The following PSME4 variants were observed in gnomAD, a reference collection of about 807,000 sequenced individuals.
The protein encoded by PSME4 is proteasome activator complex subunit 4.
Under a neutral mutation model 253.9 loss-of-function variants are expected in PSME4, and 89 were observed. That is an observed-to-expected ratio of 0.35 (90% CI 0.30 to 0.42). The LOEUF is 0.42. PSME4 is among the 10% of genes least tolerant of loss of function. The pLI is 1.00. For missense variants in PSME4, 2,014 were observed against 2,195.2 expected (o/e 0.92, Z 1.65); for synonymous variants, 851 against 759.2 (o/e 1.12, Z -1.99).
Position 53,940,005 on chromosome 2 carries a change from G to A in PSME4, c.501-5C>T, listed in dbSNP as rs367842746. ...TTGAGAATATTTTCTACAGAACTGG[G>A]GGGGGAAAGCCATTTGATAATTAGA... On this transcript the variant is annotated splice_region_variant and splice_polypyrimidine_tract_variant and intron_variant, in intron 3 of 46. Transcript: ENST00000404125. 3.8e-6 allele frequency: 6 copies of A among 1,571,332 alleles called. No individual in the cohort carries two copies. Among genetic ancestry groups the A allele is most frequent in the East Asian group, 4.5e-5 (2 of 44,138 alleles).
At chr2:53,922,723 G>T (rs1397613027) in intron 16 of PSME4, 139 bp from the exon 17 acceptor site, 3 of 1,128,090 alleles carry the variant, frequency 2.7e-6, no homozygotes, top group African/African-American at 3.2e-5. Flanking sequence ...TCTTCATGAA[G>T]CTGAGCTTGT....
chr2:53,893,249 T>C (rs1172226515), intron 35 of PSME4, among the ~76,000 whole-genome samples: 1 of 152,170 alleles, frequency 6.6e-6, no homozygotes, highest in African/African-American at 2.4e-5. Context: ...TTTTTTTTCC[T>C]TCTAATGCCA....
chr2:53,933,016 A>AG (rs1370155848), intron 8 of PSME4: 2 of 406,858 alleles, frequency 4.9e-6, no homozygotes, highest in Non-Finnish European at 9.0e-6. Flanking sequence ...CTGTCAACTT[A>AG]GGATAACAAA....
chr2:53,966,606 C>T (rs1163452657), intron 1 of PSME4, among the ~76,000 whole-genome samples: 4 of 152,042 alleles, frequency 2.6e-5, no homozygotes, highest in African/African-American at 9.7e-5. Flanking sequence ...AGGCCAGATA[C>T]ACCTCACGTA....
At chr2:53,874,850 C>T (rs1558643968) in intron 42 of PSME4, among the ~76,000 whole-genome samples, 1 of 152,182 alleles carries the variant, frequency 6.6e-6, no homozygotes, top group African/African-American at 2.4e-5. Flanking sequence ...GAAGCTGAGA[C>T]AAGAGAATCG....
intron 3 of PSME4, among the ~76,000 whole-genome samples, chr2:53,942,399 G>A (rs1431755856): frequency 1.3e-5 from 2 of 151,600 alleles, no homozygotes; most frequent in Non-Finnish European, 2.9e-5. Context: ...GGGATCTACA[G>A]AGTAACTAAG....
chr2:53,937,587 C>T, intron 4 of PSME4, 47 bp from the exon 5 acceptor site: 2 of 1,561,998 alleles, frequency 1.3e-6, no homozygotes, highest in Non-Finnish European at 1.8e-6. Context: ...TGGCTAAAAG[C>T]TCTACAACAG....
intron 36 of PSME4, among the ~76,000 whole-genome samples, chr2:53,892,015 T>C (rs1307091642): frequency 6.6e-6 from 1 of 152,124 alleles, no homozygotes; most frequent in Non-Finnish European, 1.5e-5. Flanking sequence ...GTTTTGATTT[T>C]ATCAAAAAAA....
Position 53,928,227 on chromosome 2 carries a change from G to A in PSME4, c.1393C>T (p.Arg465Cys), listed in dbSNP as rs918888445. Residue 465 changes from arginine to cysteine, a missense_variant, in exon 11 of 47, where the codon CGC (arginine) becomes TGC (cysteine). Physicochemically the swap from Arg to Cys is radical, Grantham distance 180. Coordinates refer to ENST00000404125, the MANE Select transcript of PSME4 (RefSeq NM_014614.3). ...CATCTGCCTCCTGATACCAAACTGC[G>A]GGCTACTCCAATTACACAACTTAAA... ...ATLSCVIGVA[R>C]SLVSGGRWFP... 37 of 1,613,928 alleles carry A rather than the reference G, an allele frequency of 2.3e-5. No individual in the cohort carries two copies. The highest frequency in any genetic ancestry group is 4.5e-5 in the East Asian group (2 of 44,892).
intron 30 of PSME4, 105 bp from the exon 31 acceptor site, chr2:53,898,104 A>T: frequency 7.2e-7 from 1 of 1,381,902 alleles, no homozygotes; most frequent in Non-Finnish European, 9.9e-7. Flanking sequence ...AAGAATTAAA[A>T]TAGGTCTAGT....
At chr2:53,953,197 C>A (rs1342028353) in intron 1 of PSME4, among the ~76,000 whole-genome samples, 1 of 151,828 alleles carries the variant, frequency 6.6e-6, no homozygotes. Context: ...TAAAAGGGCA[C>A]AAAAGTTCTA....
intron 44 of PSME4, 150 bp downstream of exon 44, chr2:53,869,226 G>A: frequency 1.4e-6 from 1 of 722,598 alleles, no homozygotes; most frequent in Non-Finnish European, 2.1e-6. Flanking sequence ...CTTTCTATAT[G>A]CAAAACTCCT....
intron 14 of PSME4, 44 bp from the exon 15 acceptor site, chr2:53,923,463 T>C (rs770062253): frequency 7.9e-6 from 12 of 1,522,198 alleles, no homozygotes. Context: ...TTTAAGAAAA[T>C]TAAACATCTT....
intron 44 of PSME4, among the ~76,000 whole-genome samples, chr2:53,868,420 C>T (rs1412399837): frequency 6.7e-6 from 1 of 149,118 alleles, no homozygotes; most frequent in African/African-American, 2.5e-5. Flanking sequence ...CCACTGCACT[C>T]CAGCCTGGGT....
chr2:53,934,504 A>T, intron 8 of PSME4, 101 bp downstream of exon 8: 1 of 1,231,902 alleles, frequency 8.1e-7, no homozygotes, highest in Non-Finnish European at 1.1e-6. Context: ...CAAGTCACCA[A>T]CCAAGCCACT....
chr2:53,925,666 C>T lies in PSME4; in HGVS notation c.1682G>A (p.Ser561Asn). The change falls in exon 14 of 47, where the codon AGC (serine) becomes AAC (asparagine). Residue 561 changes from serine (S) to asparagine (N), a missense_variant. This residue lies in a region of PSME4 where 989 missense variants were observed against 1,021.1 expected (regional missense o/e 0.97). Transcript: ENST00000404125. ...CTCTTCTCTTGTTTGCTCCAATGTG[C>T]TACTTTCTATAAGTCCAAAACATCT... The part of the protein sequence containing the change: ...MDRCFGLIES[S>N]TLEQTREETE... The T allele has an allele frequency of 6.2e-7, 1 of 1,607,926 alleles. No individual in the cohort carries two copies. Among genetic ancestry groups the T allele is most frequent in the Non-Finnish European group, 8.5e-7 (1 of 1,174,912 alleles).
chr2:53,970,429 G>A (rs1281107645), intron 1 of PSME4, 114 bp downstream of exon 1: 1 of 1,492,800 alleles, frequency 6.7e-7, no homozygotes, highest in African/African-American at 1.4e-5. Context: ...CTCGGGGACA[G>A]CTCCAGCGAG....
chr2:53,898,009 A>G lies in PSME4; in HGVS notation c.3477-10T>C. On this transcript the variant is annotated splice_polypyrimidine_tract_variant and intron_variant, in intron 30 of 46. Transcript: ENST00000404125. ...TTCAAATTTCCAGGGCCTTAAAAGG[A>G]GGAAAAATAACAAAGCATATCACAC... 6.2e-7 allele frequency: 1 copy of G among 1,609,914 alleles called. No homozygotes were observed. The highest frequency in any genetic ancestry group is 8.5e-7 in the Non-Finnish European group (1 of 1,178,704).
chr2:53,923,312 T>C lies in PSME4; in HGVS notation c.1908+9A>G. The C allele has an allele frequency of 6.3e-7, 1 of 1,590,402 alleles. No homozygotes were observed. The highest frequency in any genetic ancestry group is 2.2e-5 in the East Asian group (1 of 44,594). ...TCATTAATACATCAGTTCAAAAAAA[T>C]AAACTCACCTTTACAGCAGCGCGGC... is the stretch of plus-strand genomic sequence containing the variant. On this transcript the variant is annotated intron_variant, in intron 15 of 46. Coordinates refer to ENST00000404125, the MANE Select transcript of PSME4 (RefSeq NM_014614.3).
Sources: gnomAD v4.1 joint callset for allele counts (sites outside exome capture counted in the v4.1 genomes callset) on GRCh38, gnomAD v4.1.1 for gene constraint, gnomAD v4.1.1 regional missense constraint, MANE v1.5 for transcripts, NCBI Gene and HGNC (gene_info 2026-07-23, HGNC 2026-07-21) for gene names.